TCHP: variants seen among roughly 807,000 people sequenced by gnomAD.
The protein encoded by TCHP is trichoplein keratin filament binding.
Under a neutral mutation model 88.7 loss-of-function variants are expected in TCHP, and 81 were observed. The ratio of observed to expected loss-of-function variants is 0.91; its 90% CI spans 0.76 to 1.10. The LOEUF is 1.10. Among genes scored for constraint, TCHP ranks in the 50% least tolerant of loss-of-function variants. The pLI is 0.00. For synonymous variants in TCHP, 232 were observed against 232.5 expected, an observed-to-expected ratio of 1.00 and a Z score of 0.02; for missense variants, 641 against 632.1, an observed-to-expected ratio of 1.01 and a Z score of -0.15.
chr12:109,917,657 CG>C lies in TCHP; in HGVS notation c.*1035del, dbSNP rs1212655931. The C allele has an allele frequency of 6.6e-6, 1 of 152,564 alleles. No homozygotes were observed. The highest frequency in any genetic ancestry group is 2.4e-5 in the African/African-American group (1 of 41,418). 9.5% of individuals were successfully genotyped at this position (152,564 alleles called of 1,614,324 possible). A position where few individuals can be genotyped will look rare whatever the true frequency, so the allele number is the denominator to read the frequency against. On this transcript the variant is annotated 3_prime_UTR_variant, in exon 13 of 13. Coordinates refer to ENST00000405876, the MANE Select transcript of TCHP (RefSeq NM_001143852.2). ...GAAATCTCTCCCACCATTATATCAG[CG>C]TGATACAGGTCTACATTCATTTCTA... is the stretch of plus-strand genomic sequence containing the variant.
chr12:109,885,607 C>T, the TCHP span, among the ~76,000 whole-genome samples: 4 of 151,772 alleles, frequency 2.6e-5, no homozygotes, highest in Admixed American at 6.6e-5. Context: ...CTCAGCCTCC[C>T]GTATAGCTGG....
In TCHP at chr12:109,915,470, G is replaced by C; in HGVS notation, c.1388G>C (p.Arg463Pro). 6.2e-7 allele frequency: 1 copy of C among 1,614,048 alleles called. No individual in the cohort carries two copies. Among genetic ancestry groups the C allele is most frequent in the Non-Finnish European group, 8.5e-7 (1 of 1,179,962 alleles). Residue 463 changes from arginine (R) to proline (P), a missense_variant, in exon 12 of 13, where the codon CGG becomes CCG. Arg to Pro is a moderately radical substitution (Grantham distance 103). Transcript: ENST00000405876. ...QQEEEEEEEA[R>P]RVEQLSDALL... ...GAGGAGGAGGAAGAGGAGGAGGCCC[G>C]GCGGGTCGAGCAGCTCTCAGATGCC...
At chr12:109,882,984 A>G in the TCHP span, among the ~76,000 whole-genome samples, 59 of 151,904 alleles carry the variant, frequency 3.9e-4, 1 homozygote, top group East Asian at 6.2e-3. Context: ...GTTAAAGGCA[A>G]TAAGAAATCA....
At chr12:109,897,812 C>T (rs1869602671), upstream of TCHP, among the ~76,000 whole-genome samples, 2 of 152,212 alleles carry the variant, frequency 1.3e-5, no homozygotes, top group Admixed American at 1.3e-4. Context: ...CCTGCCTCAG[C>T]CTCCCAAAAT....
chr12:109,881,987 A>T, the TCHP span, among the ~76,000 whole-genome samples: 1 of 151,932 alleles, frequency 6.6e-6, no homozygotes, highest in Non-Finnish European at 1.5e-5. Flanking sequence ...ATACAGCAAA[A>T]TCCCTGCCCT....
At chr12:109,906,757 C>T in intron 5 of TCHP, 117 bp downstream of exon 5, 1 of 778,804 alleles carries the variant, frequency 1.3e-6, no homozygotes, top group Non-Finnish European at 2.1e-6. Context: ...GTAGTGTACT[C>T]TTTTCTTAGT....
the TCHP span, among the ~76,000 whole-genome samples, chr12:109,895,257 T>G: frequency 1.3e-5 from 2 of 149,452 alleles, no homozygotes; most frequent in Non-Finnish European, 3.0e-5. Flanking sequence ...TCACCCTGGC[T>G]GCAGTGCAGT....
the TCHP span, among the ~76,000 whole-genome samples, chr12:109,889,389 C>T: frequency 2.2e-3 from 338 of 151,252 alleles, 2 homozygotes; most frequent in African/African-American, 7.4e-3. Context: ...AGGAGAATGG[C>T]ATGAACCCAG....
At chr12:109,910,337 T>C (rs1257789731) in intron 8 of TCHP, among the ~76,000 whole-genome samples, 2 of 152,138 alleles carry the variant, frequency 1.3e-5, no homozygotes, top group East Asian at 1.9e-4. Flanking sequence ...AGCTGTTTTT[T>C]ATGGGGTCTT....
intron 5 of TCHP, 76 bp from the exon 6 acceptor site, chr12:109,907,450 A>T: frequency 6.7e-7 from 1 of 1,491,790 alleles, no homozygotes; most frequent in Non-Finnish European, 9.2e-7. Context: ...TGTGGCCTGC[A>T]GAACGGCGGC....
chr12:109,896,632 T>C (rs1766390847), upstream of TCHP, among the ~76,000 whole-genome samples: 2 of 152,022 alleles, frequency 1.3e-5, no homozygotes, highest in Non-Finnish European at 2.9e-5. Flanking sequence ...AACACAAATA[T>C]TGATTGAGGC....
In TCHP at chr12:109,908,682, C is replaced by G; in HGVS notation, c.796C>G (p.Gln266Glu). Residue 266 changes from glutamine to glutamate, a missense_variant, in exon 7 of 13, where the codon CAG becomes GAG. Physicochemically the swap from Gln to Glu is conservative, Grantham distance 29. Coordinates refer to ENST00000405876, the MANE Select transcript of TCHP (RefSeq NM_001143852.2). ...EERKQMEAFR[Q>E]KAELGRFLRH... is the part of the protein sequence containing the mutation. ...GCGAAAGCAGATGGAAGCCTTCCGG[C>G]AGAAGGCAGAGCTGGGGTGTGTGTC... The G allele has an allele frequency of 6.3e-7, 1 of 1,595,640 alleles. No individual in the cohort carries two copies. Among genetic ancestry groups the G allele is most frequent in the Non-Finnish European group, 8.5e-7 (1 of 1,172,570 alleles).
rs1000079478 is a variant in TCHP, at chr12:109,905,135, A to G, written c.456+342A>G. The G allele has an allele frequency of 1.7e-5, 5 of 300,486 alleles. No individual in the cohort carries two copies. Among genetic ancestry groups the G allele is most frequent in the Non-Finnish European group, 2.5e-5 (4 of 158,726 alleles). The allele number at this position is 300,486 out of a possible 1,614,324, so 18.6% of individuals were successfully genotyped here. A position where few individuals can be genotyped will look rare whatever the true frequency, so the allele number is the denominator to read the frequency against. ...TGAGAGGATGAGCATGGGCCAGCGC[A>G]CTCAACTCTGGAGGGGTTGGGGAGG... On this transcript the variant is annotated intron_variant, in intron 4 of 12. Coordinates refer to ENST00000405876, the MANE Select transcript of TCHP (RefSeq NM_001143852.2). This position sits in a 1 kb window ranked among gnomAD's most constrained non-coding sequence, Gnocchi z 4.0.
At chr12:109,901,526 T>TA (rs1339749795) in intron 1 of TCHP, among the ~76,000 whole-genome samples, 1 of 152,178 alleles carries the variant, frequency 6.6e-6, no homozygotes, top group Non-Finnish European at 1.5e-5. Flanking sequence ...AGAGTCCAAT[T>TA]AACTGATAAG....
In TCHP at chr12:109,911,206, G is replaced by T; in HGVS notation, c.1023G>T (p.Ala341=). The change falls in exon 9 of 13, where the codon GCG becomes GCT. Residue 341 remains alanine, a synonymous_variant. Coordinates refer to ENST00000405876, the MANE Select transcript of TCHP (RefSeq NM_001143852.2). Reference sequence around the variant, plus strand: ...AGGAGCAGCTGCAGCTGGAGCGGGCGCGGGAGGCAGAGCTGCAGATGCTGC... The same window carrying T: ...AGGAGCAGCTGCAGCTGGAGCGGGCTCGGGAGGCAGAGCTGCAGATGCTGC... The part of the protein sequence containing the change: ...AIEEQLQLER[A]REAELQMLLR... 1 of 1,584,336 alleles carries T rather than the reference G, an allele frequency of 6.3e-7. No homozygotes were observed. Among genetic ancestry groups the T allele is most frequent in the South Asian group, 1.2e-5 (1 of 86,522 alleles).
intron 10 of TCHP, chr12:109,914,206 A>T: frequency 2.8e-6 from 1 of 360,710 alleles, no homozygotes; most frequent in South Asian, 3.5e-5. Context: ...CATAGTACAC[A>T]GTCTGGATAC....
intron 8 of TCHP, 144 bp from the exon 9 acceptor site, chr12:109,910,919 A>T (rs1478767685): frequency 4.0e-6 from 5 of 1,257,366 alleles, no homozygotes; most frequent in Non-Finnish European, 5.2e-6. Flanking sequence ...ATAATCCAGG[A>T]TCTTCCCATC....
chr12:109,883,205 T>TTG, the TCHP span, among the ~76,000 whole-genome samples: 1 of 151,080 alleles, frequency 6.6e-6, no homozygotes, highest in African/African-American at 2.4e-5. Context: ...CCCTATTTTT[T>TTG]TTTTTTTTTT....
the TCHP span, among the ~76,000 whole-genome samples, chr12:109,881,546 C>G: frequency 6.6e-3 from 1,010 of 152,356 alleles, 15 homozygotes; most frequent in African/African-American, 0.023. Context: ...AGCCTCTACG[C>G]TCAAGCCTGC....
Sources: gnomAD v4.1 joint callset for allele counts (sites outside exome capture counted in the v4.1 genomes callset) on GRCh38, gnomAD v4.1.1 for gene constraint, Gnocchi (gnomAD v3.1) non-coding constraint, MANE v1.5 for transcripts, NCBI Gene and HGNC (gene_info 2026-07-23, HGNC 2026-07-21) for gene names.